DLC1: variants seen among roughly 807,000 people sequenced by gnomAD.
The protein encoded by DLC1 is rho GTPase-activating protein 7.
DLC1 carries 54 observed loss-of-function variants against 140.3 expected under a neutral mutation model. The ratio of observed to expected loss-of-function variants is 0.38; its 90% CI spans 0.31 to 0.48. DLC1 has a LOEUF of 0.48. DLC1 is among the 20% of genes least tolerant of loss of function. DLC1 has a pLI of 0.96. For synonymous variants in DLC1, 986 were observed against 728.1 expected (o/e 1.35, Z -5.70); for missense variants, 2,536 against 1,907.0 (o/e 1.33, Z -6.14).
At chr8:13,338,830 G>A (rs1365628071) in intron 4 of DLC1, 1 of 151,998 alleles carries the variant, frequency 6.6e-6, no homozygotes, top group Non-Finnish European at 1.5e-5. Context: ...ACAATAAATA[G>A]CCTTTGTCTT....
intron 5 of DLC1, among the ~76,000 whole-genome samples, chr8:13,123,008 G>T (rs982416635): frequency 6.6e-6 from 1 of 152,076 alleles, no homozygotes; most frequent in African/African-American, 2.4e-5. Context: ...CAGCTCTCAG[G>T]GAAAATCAAA....
At chr8:13,295,938 C>CTTTTTTTTTTTTTTTTTTTTTTTTTTT (rs34697767) in intron 5 of DLC1, among the ~76,000 whole-genome samples, 3 of 53,344 alleles carry the variant, frequency 5.6e-5, no homozygotes, top group Admixed American at 1.7e-4. Context: ...AGATAAGATT[C>CTTTTTTTTTTTTTTTTTTTTTTTTTTT]TTTGTTTTTT....
At chr8:13,579,357 ATATATTTT>A (rs1159169986) in intron 1 of DLC1, among the ~76,000 whole-genome samples, 1 of 27,568 alleles carries the variant, frequency 3.6e-5, no homozygotes, top group Admixed American at 5.6e-4. Context: ...ATATATATAT[ATATATTTT>A]TATATAATAC....
At chr8:13,399,925 G>A (rs1837220089) in intron 3 of DLC1, among the ~76,000 whole-genome samples, 2 of 152,110 alleles carry the variant, frequency 1.3e-5, no homozygotes, top group African/African-American at 4.8e-5. Context: ...AGTGAAGTAT[G>A]AGGATGGGGC....
chr8:13,410,812 C>T (rs1013735361), intron 2 of DLC1, among the ~76,000 whole-genome samples: 15 of 152,116 alleles, frequency 9.9e-5, no homozygotes, highest in Non-Finnish European at 4.4e-5. Context: ...AGGGTAATCA[C>T]GGTTTGTTTT....
At chr8:13,492,442 T>C (rs12542629) in intron 2 of DLC1, among the ~76,000 whole-genome samples, 128,348 of 151,638 alleles carry the variant, frequency 0.85, 55,188 homozygotes, top group Non-Finnish European at 0.94. Context: ...AAATGACCAG[T>C]GCTATTTTTG....
chr8:13,326,659 A>G (rs915673390), intron 4 of DLC1, among the ~76,000 whole-genome samples: 1 of 152,118 alleles, frequency 6.6e-6, no homozygotes, highest in Non-Finnish European at 1.5e-5. Flanking sequence ...TTCCCTTTCC[A>G]GGTTAGCTAG....
chr8:13,571,041 A>G (rs943256892), intron 1 of DLC1, among the ~76,000 whole-genome samples: 1 of 152,188 alleles, frequency 6.6e-6, no homozygotes, highest in South Asian at 2.1e-4. Context: ...TTTAACCAAT[A>G]CAACTTTATT....
At chr8:13,206,051 T>C (rs1040657320) in intron 5 of DLC1, among the ~76,000 whole-genome samples, 1 of 152,214 alleles carries the variant, frequency 6.6e-6, no homozygotes, top group Non-Finnish European at 1.5e-5. Flanking sequence ...CTTGAGATGT[T>C]AGCTAAGGAT....
At chr8:13,509,440 A>C (rs1378005234) in intron 1 of DLC1, among the ~76,000 whole-genome samples, 1 of 152,142 alleles carries the variant, frequency 6.6e-6, no homozygotes, top group Non-Finnish European at 1.5e-5. Flanking sequence ...TCTTCCATAC[A>C]TCTCTATCAT....
chr8:13,322,702 G>A (rs1330456547), intron 4 of DLC1, among the ~76,000 whole-genome samples: 1 of 152,138 alleles, frequency 6.6e-6, no homozygotes, highest in Non-Finnish European at 1.5e-5. Context: ...GTAAAAAGCT[G>A]AGTCAAACTA....
chr8:13,450,815 C>T (rs1001890144), intron 2 of DLC1, among the ~76,000 whole-genome samples: 62 of 151,590 alleles, frequency 4.1e-4, no homozygotes, highest in Admixed American at 1.8e-3. Flanking sequence ...CCGAGGTGGG[C>T]GGATCAGGAG....
At chr8:13,466,193 C>G (rs534759849) in intron 2 of DLC1, among the ~76,000 whole-genome samples, 1 of 152,252 alleles carries the variant, frequency 6.6e-6, no homozygotes, top group East Asian at 1.9e-4. Context: ...GGTAACACCC[C>G]GGGCCCCAAT....
At chr8:13,258,024 A>G (rs1324904297) in intron 5 of DLC1, among the ~76,000 whole-genome samples, 1 of 152,254 alleles carries the variant, frequency 6.6e-6, no homozygotes, top group Non-Finnish European at 1.5e-5. Flanking sequence ...GCTATAAAGT[A>G]GCAAGGAGCC....
chr8:13,400,554 T>C (rs765668275), intron 3 of DLC1, among the ~76,000 whole-genome samples: 1 of 152,164 alleles, frequency 6.6e-6, no homozygotes, highest in Non-Finnish European at 1.5e-5. Flanking sequence ...ATGTGTGCAA[T>C]ATAAAACCCA....
intron 5 of DLC1, among the ~76,000 whole-genome samples, chr8:13,128,052 A>C (rs1016588372): frequency 2.0e-4 from 31 of 151,746 alleles, no homozygotes; most frequent in Non-Finnish European, 2.9e-4. Context: ...AAAAAAAAAA[A>C]CCCCAAAAAA....
intron 2 of DLC1, among the ~76,000 whole-genome samples, chr8:13,479,923 C>T (rs764091575): frequency 2.7e-5 from 2 of 75,126 alleles, no homozygotes; most frequent in African/African-American, 7.7e-5. Context: ...ACATATCAGC[C>T]TGTGTGGTGG....
intron 5 of DLC1, among the ~76,000 whole-genome samples, chr8:13,123,281 T>C (rs1018720647): frequency 3.3e-5 from 5 of 151,974 alleles, no homozygotes; most frequent in African/African-American, 4.8e-5. Flanking sequence ...CTCTGACTGA[T>C]CCAGCCACAC....
intron 1 of DLC1, among the ~76,000 whole-genome samples, chr8:13,511,865 AAAAC>A (rs918903365): frequency 1.3e-5 from 2 of 152,194 alleles, no homozygotes; most frequent in African/African-American, 2.4e-5. Flanking sequence ...GAGGAAACAA[AAAAC>A]AAACAAAAGA....
Sources: gnomAD v4.1 joint callset for allele counts (sites outside exome capture counted in the v4.1 genomes callset) on GRCh38, gnomAD v4.1.1 for gene constraint, MANE v1.5 for transcripts, NCBI Gene and HGNC (gene_info 2026-07-23, HGNC 2026-07-21) for gene names.